The following MLXIPL variants were observed in gnomAD, a reference collection of about 807,000 sequenced individuals.
The protein encoded by MLXIPL is MLX interacting protein like.
In MLXIPL, 49 loss-of-function variants were observed where a neutral mutation model predicts 81.5. The ratio of observed to expected loss-of-function variants is 0.60; its 90% CI spans 0.48 to 0.76. The LOEUF is 0.76. Ranked by LOEUF, MLXIPL falls within the 30% of genes least tolerant of loss-of-function variation. The pLI, the probability that MLXIPL is intolerant of heterozygous loss-of-function variation, is 0.00. For synonymous variants in MLXIPL, 466 were observed against 485.5 expected (o/e 0.96, Z 0.53); for missense variants, 1,053 against 1,167.0 (o/e 0.90, Z 1.42).
In MLXIPL at chr7:73,596,660, GC is replaced by G; in HGVS notation, c.1800del (p.Leu601SerfsTer26). Reference sequence around the variant, plus strand: ...TTACCGCTGGGCGCTGGGGGTGAGAGCCGCTCCGCTTTGGGGACAAGCAGGG... The same window carrying G: ...TTACCGCTGGGCGCTGGGGGTGAGAGCGCTCCGCTTTGGGGACAAGCAGGG... ...SRPLLVPKAE[R>X]LSPPAPSGSE... On this transcript the variant is annotated frameshift_variant, in exon 11 of 17. Coordinates refer to ENST00000313375, the MANE Select transcript of MLXIPL (RefSeq NM_032951.3). LOFTEE classifies it high-confidence loss of function. The surrounding 1 kb of genome is among the most constrained non-coding windows in gnomAD (Gnocchi z 4.7). 6.3e-7 allele frequency: 1 copy of G among 1,592,670 alleles called. No individual in the cohort carries two copies. Among genetic ancestry groups the G allele is most frequent in the Non-Finnish European group, 8.6e-7 (1 of 1,169,386 alleles).
rs1554602709 is a variant in MLXIPL at position 73,623,302 on chromosome 7, G to A, written c.293+898C>T. Among the ~76,000 whole-genome samples the A allele has an allele frequency of 6.6e-6, 1 of 152,254 alleles. No homozygotes were observed. The highest frequency in any genetic ancestry group is 2.4e-5 in the African/African-American group (1 of 41,470). ...CACAGAGAAAAGATCAAGGCCGGCC[G>A]ATCCCCCTTTCTCCCCTACGGGTTT... On this transcript the variant is annotated intron_variant, in intron 1 of 16. Transcript: ENST00000313375. The surrounding 1 kb of genome is among the most constrained non-coding windows in gnomAD (Gnocchi z 5.7).
At position 73,599,706 on chromosome 7, in the gene MLXIPL, GACAC is replaced by G; in HGVS notation, c.902-15_902-12del. 1.2e-6 allele frequency: 2 copies of G among 1,601,274 alleles called. No homozygotes were observed. Among genetic ancestry groups the G allele is most frequent in the Middle Eastern group, 1.7e-4 (1 of 6,000 alleles). ...AGTTGGTAAAGAAATCTGTAATTCA[GACAC>G]ACAGGGCAACAGCAGTTAGGGCCAG... On this transcript the variant is annotated splice_polypyrimidine_tract_variant and intron_variant, in intron 7 of 16. Transcript: ENST00000313375.
In MLXIPL at chr7:73,599,669, G is replaced by C; in HGVS notation, c.928C>G (p.Gln310Glu). Residue 310 changes from glutamine (Q) to glutamate (E), a missense_variant, in exon 8 of 17, where the codon CAG becomes GAG. Gln to Glu is a conservative substitution (Grantham distance 29). Coordinates refer to ENST00000313375, the MANE Select transcript of MLXIPL (RefSeq NM_032951.3). ...GGGAAGTTTGAAGGCATGGGCGGCTGTGGGAGGCGGGAGTTGGTAAAGAAA... is the reference window on the plus strand; with the variant it reads ...GGGAAGTTTGAAGGCATGGGCGGCTCTGGGAGGCGGGAGTTGGTAAAGAAA... ...SDFFTNSRLP[Q>E]PPMPSNFPEP... 1 of 1,607,634 alleles carries C rather than the reference G, an allele frequency of 6.2e-7. No homozygotes were observed. The highest frequency in any genetic ancestry group is 1.1e-5 in the South Asian group (1 of 90,210).
At chr7:73,629,262 G>A (rs558256825), upstream of MLXIPL, among the ~76,000 whole-genome samples, 1 of 151,986 alleles carries the variant, frequency 6.6e-6, no homozygotes, top group South Asian at 2.1e-4. Context: ...GGTTAATCTT[G>A]AACTCCTAAC....
rs782618950 is a variant in MLXIPL, at chr7:73,607,612, G to C, written c.461C>G (p.Ala154Gly). 29 of 1,613,194 alleles carry C rather than the reference G, an allele frequency of 1.8e-5. No homozygotes were observed. Among genetic ancestry groups the C allele is most frequent in the Admixed American group, 1.7e-5 (1 of 59,998 alleles). The change falls in exon 3 of 17, where the codon GCT becomes GGT. Residue 154 changes from alanine (A) to glycine (G), a missense_variant. Ala to Gly is a moderately conservative substitution (Grantham distance 60). This residue lies in a region of MLXIPL where 226 missense variants were observed against 216.2 expected (regional missense o/e 1.05). Coordinates refer to ENST00000313375, the MANE Select transcript of MLXIPL (RefSeq NM_032951.3). ...GFVTPLQGPE[A>G]DAHRKPEAVV... ...TACCTCCGGCTTCCGGTGCGCATCA[G>C]CCTCAGGCCCCTGCAGGGGGGTCAC...
chr7:73,641,367 C>T, the MLXIPL span, among the ~76,000 whole-genome samples: 1 of 152,118 alleles, frequency 6.6e-6, no homozygotes, highest in Non-Finnish European at 1.5e-5. Context: ...GTTGCCCTCC[C>T]TGTAACATGG....
At chr7:73,602,126 G>GCCTTCCTTCCTTCCTT (rs1317199546) in intron 7 of MLXIPL, among the ~76,000 whole-genome samples, 2,492 of 75,752 alleles carry the variant, frequency 0.033, 32 homozygotes, top group Non-Finnish European at 0.043. Flanking sequence ...CTGCCTGCCT[G>GCCTTCCTTCCTTCCTT]CCTGCCTTCC....
chr7:73,602,409 G>A (rs1405415735), intron 7 of MLXIPL, among the ~76,000 whole-genome samples: 1 of 150,370 alleles, frequency 6.7e-6, no homozygotes, highest in Non-Finnish European at 1.5e-5. Context: ...GGTGGCTCAC[G>A]CCTGTAATCC....
At chr7:73,612,338 A>G (rs1323632554) in intron 2 of MLXIPL, among the ~76,000 whole-genome samples, 2 of 151,508 alleles carry the variant, frequency 1.3e-5, no homozygotes, top group East Asian at 3.9e-4. Flanking sequence ...CTCAAAAAAT[A>G]GAATAAAATT....
In MLXIPL at chr7:73,595,737, G is replaced by C. The variant is rs1554593419; in HGVS notation, c.2210C>G (p.Ala737Gly). 6.2e-7 allele frequency: 1 copy of C among 1,607,406 alleles called. No homozygotes were observed. The highest frequency in any genetic ancestry group is 1.3e-5 in the African/African-American group (1 of 74,744). The change falls in exon 15 of 17, where the codon GCC becomes GGC. Residue 737 changes from alanine to glycine, a missense_variant. This residue lies in a region of MLXIPL where 823 missense variants were observed against 933.0 expected (regional missense o/e 0.88). Coordinates refer to ENST00000313375, the MANE Select transcript of MLXIPL (RefSeq NM_032951.3). ...CTGGTGTGTGATGGGTACCCCTGTG[G>C]CGGGCAGCTGCTGCTGGCACAGGCT... ...AINLCQQQLPATGVPITHQRF... is the reference protein window; with the variant it reads ...AINLCQQQLPGTGVPITHQRF...
intron 5 of MLXIPL, 159 bp downstream of exon 5, chr7:73,606,815 A>C: frequency 1.2e-6 from 1 of 804,262 alleles, no homozygotes; most frequent in Non-Finnish European, 2.1e-6. Context: ...AGAAGAGAAG[A>C]GCTCAACAAA....
At chr7:73,599,951 C>T (rs972934598) in intron 7 of MLXIPL, among the ~76,000 whole-genome samples, 1 of 152,010 alleles carries the variant, frequency 6.6e-6, no homozygotes, top group East Asian at 1.9e-4. Context: ...ACAGGGACCC[C>T]AGGAAGGAGC....
chr7:73,635,817 T>C, the MLXIPL span, among the ~76,000 whole-genome samples: 1 of 152,126 alleles, frequency 6.6e-6, no homozygotes, highest in African/African-American at 2.4e-5. Flanking sequence ...TACCTAACTT[T>C]CTATTCATCC....
At chr7:73,635,790 C>T in the MLXIPL span, among the ~76,000 whole-genome samples, 4 of 152,172 alleles carry the variant, frequency 2.6e-5, no homozygotes, top group Admixed American at 6.6e-5. Context: ...GTCCATCCAT[C>T]GTTCCATGTA....
Position 73,596,816 on chromosome 7 carries a change from G to T in MLXIPL, c.1672-27C>A. On this transcript the variant is annotated intron_variant, in intron 10 of 16. Transcript: ENST00000313375. This position sits in a 1 kb window ranked among gnomAD's most constrained non-coding sequence, Gnocchi z 4.7. ...TGGGGTGGAGAAGGGCGGAGAGTCG[G>T]GTTGAAGGCCGTGGGCACAGCCCCA... 1 of 1,608,336 alleles carries T rather than the reference G, an allele frequency of 6.2e-7. No individual in the cohort carries two copies. The highest frequency in any genetic ancestry group is 1.7e-5 in the Admixed American group (1 of 59,128).
At chr7:73,620,337 G>A (rs1221081525) in intron 1 of MLXIPL, among the ~76,000 whole-genome samples, 1 of 152,100 alleles carries the variant, frequency 6.6e-6, no homozygotes, top group Admixed American at 6.6e-5. Context: ...CCAGGAGGCG[G>A]ATGTTGCAGT....
chr7:73,629,250 C>G (rs537045485), upstream of MLXIPL, among the ~76,000 whole-genome samples: 14 of 152,160 alleles, frequency 9.2e-5, no homozygotes, highest in Non-Finnish European at 1.8e-4. Context: ...CCATGTTGGT[C>G]AGGTTAATCT....
chr7:73,639,095 A>C, the MLXIPL span, among the ~76,000 whole-genome samples: 1 of 151,942 alleles, frequency 6.6e-6, no homozygotes, highest in Non-Finnish European at 1.5e-5. Context: ...GGTGGGGAGG[A>C]AGAACTCGGT....
At chr7:73,638,041 C>T in the MLXIPL span, among the ~76,000 whole-genome samples, 1 of 152,134 alleles carries the variant, frequency 6.6e-6, no homozygotes, top group Non-Finnish European at 1.5e-5. Context: ...TAACCAAGCC[C>T]TGAGCTCCCC....
Sources: allele counts gnomAD v4.1 joint callset (sites outside exome capture counted in the v4.1 genomes callset), GRCh38; gene constraint gnomAD v4.1.1; regional missense constraint gnomAD v4.1.1; non-coding constraint Gnocchi (gnomAD v3.1); transcripts MANE v1.5; gene names NCBI Gene and HGNC (gene_info 2026-07-23, HGNC 2026-07-21).